The following MRPS25 variants were observed in gnomAD, a reference collection of about 807,000 sequenced individuals.
The protein encoded by MRPS25 is small ribosomal subunit protein mS25.
Under a neutral mutation model 17.3 loss-of-function variants are expected in MRPS25, and 15 were observed. That is an observed-to-expected ratio of 0.87 (90% CI 0.58 to 1.34). The LOEUF (loss-of-function observed/expected upper bound fraction) is 1.34. MRPS25 is among the 40% of genes most tolerant of loss of function. The probability of loss-of-function intolerance (pLI) is 0.00; values close to 1 mark genes in which losing one functional copy is unlikely to be tolerated. For synonymous variants in MRPS25, 94 were observed against 83.3 expected (o/e 1.13, Z -0.70); for missense variants, 225 against 218.6 (o/e 1.03, Z -0.19).
chr3:15,064,427 T>C (rs751261269), intron 1 of MRPS25, among the ~76,000 whole-genome samples: 2 of 152,082 alleles, frequency 1.3e-5, no homozygotes, highest in Non-Finnish European at 2.9e-5. Flanking sequence ...ACAGCTGACA[T>C]AATTAATCAC....
chr3:15,054,140 G>C (rs962374969), intron 2 of MRPS25, among the ~76,000 whole-genome samples: 4 of 152,044 alleles, frequency 2.6e-5, no homozygotes, highest in Admixed American at 6.6e-5. Context: ...GAACCCAGGA[G>C]GCAGAGGTTG....
At chr3:15,063,972 C>T (rs952325894) in intron 1 of MRPS25, among the ~76,000 whole-genome samples, 1 of 152,186 alleles carries the variant, frequency 6.6e-6, no homozygotes, top group Non-Finnish European at 1.5e-5. Flanking sequence ...ATCAAGCCAG[C>T]TGATTCCAGG....
chr3:15,062,075 C>T (rs1450623404), intron 1 of MRPS25, among the ~76,000 whole-genome samples: 5 of 149,716 alleles, frequency 3.3e-5, no homozygotes, highest in African/African-American at 9.8e-5. Context: ...CCAGCCGCCC[C>T]GTCTGGGAGG....
downstream of MRPS25, chr3:15,047,782 C>T (rs2042508089): frequency 6.6e-6 from 1 of 152,208 alleles, no homozygotes; most frequent in African/African-American, 2.4e-5. Flanking sequence ...ATATAAGCTA[C>T]AGATCTCAAG....
downstream of MRPS25, chr3:15,042,689 T>C (rs554028436): frequency 1.3e-4 from 85 of 667,760 alleles, no homozygotes; most frequent in African/African-American, 1.2e-3. Context: ...AGAGGAACTG[T>C]TGAAATCAGA....
chr3:15,053,598 T>A (rs1481625418), intron 2 of MRPS25, 131 bp from the exon 3 acceptor site: 4 of 960,128 alleles, frequency 4.2e-6, no homozygotes, highest in African/African-American at 1.6e-5. Flanking sequence ...CTTGTTTACA[T>A]AATCTGTAAT....
chr3:15,059,109 C>G (rs1302118102), intron 2 of MRPS25, among the ~76,000 whole-genome samples: 1 of 151,572 alleles, frequency 6.6e-6, no homozygotes, highest in African/African-American at 2.4e-5. Context: ...GGCATCACAG[C>G]CTGGTGTGAC....
At chr3:15,060,515 C>CA (rs35071871) in intron 1 of MRPS25, among the ~76,000 whole-genome samples, 26,093 of 80,696 alleles carry the variant, frequency 0.32, 3,328 homozygotes, top group Middle Eastern at 0.41. Flanking sequence ...GGTCCTCTCT[C>CA]AAAAAAAAAA....
chr3:15,051,403 C>T lies in MRPS25; in HGVS notation c.*1038G>A, dbSNP rs1006637104. ...CTTGCCATGTTGCCCAGGCTGGTCT[C>T]GAACTCCTGGGCTCAACTATCCGCC... On this transcript the variant is annotated 3_prime_UTR_variant, in exon 4 of 4. Transcript: ENST00000253686. 1.8e-5 allele frequency: 14 copies of T among 761,482 alleles called. No individual in the cohort carries two copies. The highest frequency in any genetic ancestry group is 1.2e-4 in the South Asian group (2 of 16,850). 47.2% of individuals were successfully genotyped at this position (761,482 alleles called of 1,614,324 possible). A position where few individuals can be genotyped will look rare whatever the true frequency, so the allele number is the denominator to read the frequency against.
intron 2 of MRPS25, among the ~76,000 whole-genome samples, chr3:15,058,250 C>T (rs919056298): frequency 1.3e-5 from 2 of 150,256 alleles, no homozygotes; most frequent in Non-Finnish European, 1.5e-5. Context: ...AGTGCAGTGG[C>T]GCGATCTCGG....
downstream of MRPS25, chr3:15,042,998 C>T (rs1042123): frequency 6.2e-7 from 1 of 1,613,876 alleles, no homozygotes; most frequent in South Asian, 1.1e-5. Flanking sequence ...ATCACCGGAG[C>T]CAGTCTATAG....
At chr3:15,063,296 T>C (rs560111446) in intron 1 of MRPS25, among the ~76,000 whole-genome samples, 1 of 152,282 alleles carries the variant, frequency 6.6e-6, no homozygotes, top group Non-Finnish European at 1.5e-5. Flanking sequence ...TTGTTCAGGG[T>C]AGAACACCTG....
downstream of MRPS25, chr3:15,043,995 G>A (rs1467786640): frequency 6.6e-6 from 1 of 152,208 alleles, no homozygotes; most frequent in Admixed American, 6.5e-5. Flanking sequence ...ACAATTGGGG[G>A]TGCTTGTGTG....
At chr3:15,042,827 T>C, downstream of MRPS25, 1 of 1,613,074 alleles carries the variant, frequency 6.2e-7, no homozygotes, top group African/African-American at 1.3e-5. Context: ...GACACTCCCT[T>C]TTATAGATTG....
intron 1 of MRPS25, among the ~76,000 whole-genome samples, chr3:15,063,403 C>T (rs1269935559): frequency 6.6e-6 from 1 of 152,190 alleles, no homozygotes; most frequent in Non-Finnish European, 1.5e-5. Flanking sequence ...CGGTCGCAGG[C>T]ACTTGGGATG....
At chr3:15,052,730 A>T in intron 3 of MRPS25, 97 bp from the exon 4 acceptor site, 2 of 1,250,176 alleles carry the variant, frequency 1.6e-6, no homozygotes, top group Non-Finnish European at 2.3e-6. Context: ...TCCACCAGGG[A>T]CACCTGGATC....
chr3:15,050,456 GGC>G lies in MRPS25; in HGVS notation c.*1983_*1984del. 1 of 983,324 alleles carries G rather than the reference GGC, an allele frequency of 1.0e-6. No homozygotes were observed. The highest frequency in any genetic ancestry group is 1.2e-6 in the Non-Finnish European group (1 of 829,606). 60.9% of individuals were successfully genotyped at this position (983,324 alleles called of 1,614,324 possible). A position where few individuals can be genotyped will look rare whatever the true frequency, so the allele number is the denominator to read the frequency against. On this transcript the variant is annotated 3_prime_UTR_variant, in exon 4 of 4. Transcript: ENST00000253686. Reference sequence around the variant, plus strand: ...CTAGAGGGAAGGAATACTCTCATAAGGCTTTGTGTGTCACTAGCTATGGAGAC... The same window carrying G: ...CTAGAGGGAAGGAATACTCTCATAAGTTTGTGTGTCACTAGCTATGGAGAC...
At chr3:15,056,765 C>T (rs1434304642) in intron 2 of MRPS25, among the ~76,000 whole-genome samples, 1 of 152,254 alleles carries the variant, frequency 6.6e-6, no homozygotes, top group Non-Finnish European at 1.5e-5. Context: ...CAAGACAATA[C>T]ATTTGTGTGA....
downstream of MRPS25, chr3:15,047,299 CTCCACTCTG>C (rs760604157): frequency 2.6e-5 from 4 of 152,210 alleles, no homozygotes; most frequent in Admixed American, 6.5e-5. Context: ...AAGTCAGAAT[CTCCACTCTG>C]CAAAAGGAAG....
Sources: gnomAD v4.1 joint callset for allele counts (sites outside exome capture counted in the v4.1 genomes callset) on GRCh38, gnomAD v4.1.1 for gene constraint, MANE v1.5 for transcripts, NCBI Gene and HGNC (gene_info 2026-07-23, HGNC 2026-07-21) for gene names.